GHR: variants seen among roughly 807,000 people sequenced by gnomAD.
GHR encodes growth hormone receptor, also known as GH receptor.
A neutral mutation model predicts 67.1 loss-of-function variants in GHR; 35 were observed. That is an observed-to-expected ratio of 0.52 (90% CI 0.40 to 0.69). The LOEUF is 0.69. Ranked by LOEUF, GHR falls within the 30% of genes least tolerant of loss-of-function variation. The probability of loss-of-function intolerance (pLI) is 0.00; values close to 1 mark genes in which losing one functional copy is unlikely to be tolerated. For synonymous variants in GHR, 272 were observed against 269.1 expected (o/e 1.01, Z -0.10); for missense variants, 792 against 764.6 (o/e 1.04, Z -0.42).
intron 1 of GHR, among the ~76,000 whole-genome samples, chr5:42,430,045 G>C (rs1406142963): frequency 6.6e-6 from 1 of 152,212 alleles, no homozygotes; most frequent in Non-Finnish European, 1.5e-5. Flanking sequence ...TTCTCAGGAG[G>C]TAAATGGCTT....
chr5:42,632,889 T>C (rs1021005240), intron 3 of GHR, among the ~76,000 whole-genome samples: 2 of 152,210 alleles, frequency 1.3e-5, no homozygotes, highest in Non-Finnish European at 2.9e-5. Flanking sequence ...TTTATATTTC[T>C]GGGGAGAAGA....
At chr5:42,539,874 T>C (rs536279577) in intron 1 of GHR, among the ~76,000 whole-genome samples, 1 of 152,292 alleles carries the variant, frequency 6.6e-6, no homozygotes, top group East Asian at 1.9e-4. Flanking sequence ...TGAATAATAG[T>C]GAGAATGCTT....
chr5:42,490,981 C>T (rs1746090443), intron 1 of GHR, among the ~76,000 whole-genome samples: 1 of 152,206 alleles, frequency 6.6e-6, no homozygotes, highest in Admixed American at 6.5e-5. Flanking sequence ...AATGACAGTG[C>T]CAGCTGTTGT....
intron 1 of GHR, among the ~76,000 whole-genome samples, chr5:42,545,872 G>A (rs1237169986): frequency 6.6e-6 from 1 of 152,152 alleles, no homozygotes; most frequent in Non-Finnish European, 1.5e-5. Context: ...GAGGTAACAT[G>A]CCTCAGAGTA....
chr5:42,465,003 T>G (rs1026088865), intron 1 of GHR, among the ~76,000 whole-genome samples: 5 of 152,250 alleles, frequency 3.3e-5, no homozygotes, highest in Non-Finnish European at 7.3e-5. Flanking sequence ...AAAAGTTTGT[T>G]TCCTATTGTC....
At position 42,663,637 on chromosome 5, in the gene GHR, CA is replaced by C. The variant is rs1453784136; in HGVS notation, c.137-25252del. 4.7e-3 allele frequency among the ~76,000 whole-genome samples: 711 copies of C among 152,304 alleles called. 6 individuals carry two copies. The highest frequency in any genetic ancestry group is 0.016 in the African/African-American group (682 of 41,566). ...TATATGACAAACCCACAGCCAATAT[CA>C]TACTGAATGGGCAAAAACTGGAAGC... On this transcript the variant is annotated intron_variant, in intron 3 of 9. Coordinates refer to ENST00000230882, the MANE Select transcript of GHR (RefSeq NM_000163.5).
chr5:42,483,492 G>A (rs1384665741), intron 1 of GHR, among the ~76,000 whole-genome samples: 3 of 143,046 alleles, frequency 2.1e-5, no homozygotes, highest in African/African-American at 7.8e-5. Context: ...ATTTGGACAT[G>A]TTAAAAAAAA....
chr5:42,451,734 CTTTT>C (rs2112004511), intron 1 of GHR, among the ~76,000 whole-genome samples: 1 of 151,310 alleles, frequency 6.6e-6, no homozygotes, highest in Admixed American at 6.6e-5. Flanking sequence ...CTCCTGCTCA[CTTTT>C]AGTTTCCATT....
At chr5:42,553,157 AC>A (rs1749125076) in intron 1 of GHR, among the ~76,000 whole-genome samples, 1 of 152,144 alleles carries the variant, frequency 6.6e-6, no homozygotes, top group African/African-American at 2.4e-5. Flanking sequence ...CTTAAACAAT[AC>A]CCATTTATTG....
At chr5:42,602,762 A>G (rs867880549) in intron 2 of GHR, among the ~76,000 whole-genome samples, 10 of 152,162 alleles carry the variant, frequency 6.6e-5, no homozygotes, top group Non-Finnish European at 1.3e-4. Flanking sequence ...TCCTTTGCTT[A>G]TAAGAACTCT....
At chr5:42,709,965 C>G (rs74911537) in intron 6 of GHR, among the ~76,000 whole-genome samples, 1,794 of 151,558 alleles carry the variant, frequency 0.012, 43 homozygotes, top group African/African-American at 0.042. Flanking sequence ...CTTTTTTGAT[C>G]CTATTAGTGA....
At chr5:42,636,209 C>CAAAA (rs11373491) in intron 3 of GHR, among the ~76,000 whole-genome samples, 7 of 81,918 alleles carry the variant, frequency 8.5e-5, no homozygotes, top group African/African-American at 2.3e-4. Flanking sequence ...GACCCCGTTT[C>CAAAA]AAAAAAAAAA....
intron 1 of GHR, chr5:42,467,491 T>G (rs1159473949): frequency 4.7e-6 from 5 of 1,055,472 alleles, no homozygotes; most frequent in Non-Finnish European, 7.3e-6. Flanking sequence ...AATGTGGAGT[T>G]TCTGGTGCCG....
intron 2 of GHR, among the ~76,000 whole-genome samples, chr5:42,577,647 G>A (rs1217112267): frequency 6.6e-6 from 1 of 152,138 alleles, no homozygotes; most frequent in African/African-American, 2.4e-5. Flanking sequence ...CTCTTTAGCT[G>A]TTCTCCTAGG....
At chr5:42,602,215 T>C (rs1561159147) in intron 2 of GHR, among the ~76,000 whole-genome samples, 1 of 152,152 alleles carries the variant, frequency 6.6e-6, no homozygotes, top group Non-Finnish European at 1.5e-5. Context: ...ATTTCCAATA[T>C]GCAATACAAT....
chr5:42,718,606 A>G lies in GHR; in HGVS notation c.1099A>G (p.Ser367Gly), dbSNP rs1198850625. 4 of 1,614,038 alleles carry G rather than the reference A, an allele frequency of 2.5e-6. No homozygotes were observed. In the African/African-American group the frequency reaches 5.3e-5, roughly 22 times the overall value. ...GGAATCAGACACAGACAGACTTCTA[A>G]GCAGTGACCATGAGAAATCACATAG... is the stretch of plus-strand genomic sequence containing the variant. ...TEESDTDRLL[S>G]SDHEKSHSNL... Residue 367 changes from serine (S) to glycine (G), a missense_variant, in exon 10 of 10, where the codon AGC becomes GGC. Ser to Gly is a moderately conservative substitution (Grantham distance 56, BLOSUM62 0). Transcript: ENST00000230882.
intron 3 of GHR, among the ~76,000 whole-genome samples, chr5:42,686,834 C>T (rs4315928): frequency 0.66 from 99,546 of 151,812 alleles, 34,013 homozygotes; most frequent in East Asian, 0.82. Context: ...CGAGGGCAGT[C>T]AGGCAAGAGA....
At chr5:42,650,883 A>G (rs1754989767) in intron 3 of GHR, among the ~76,000 whole-genome samples, 1 of 152,154 alleles carries the variant, frequency 6.6e-6, no homozygotes, top group Non-Finnish European at 1.5e-5. Context: ...AGGCTTTATC[A>G]GCCTACAGCT....
At chr5:42,659,961 G>A (rs975312651) in intron 3 of GHR, among the ~76,000 whole-genome samples, 8 of 152,136 alleles carry the variant, frequency 5.3e-5, no homozygotes, top group Non-Finnish European at 8.8e-5. Context: ...ATTATATCCC[G>A]CACCTGGCTC....
Sources: gnomAD v4.1 joint callset for allele counts (sites outside exome capture counted in the v4.1 genomes callset) on GRCh38, gnomAD v4.1.1 for gene constraint, MANE v1.5 for transcripts, NCBI Gene and HGNC (gene_info 2026-07-23, HGNC 2026-07-21) for gene names.